ZCCHC24: variants seen among roughly 807,000 people sequenced by gnomAD.
The protein encoded by ZCCHC24 is zinc finger CCHC domain-containing protein 24.
A neutral mutation model predicts 26.2 loss-of-function variants in ZCCHC24; 10 were observed. The ratio of observed to expected loss-of-function variants is 0.38; its 90% CI spans 0.24 to 0.65. The LOEUF (loss-of-function observed/expected upper bound fraction) is 0.65. Ranked by LOEUF, ZCCHC24 falls within the 30% of genes least tolerant of loss-of-function variation. The pLI, the probability that ZCCHC24 is intolerant of heterozygous loss-of-function variation, is 0.54. For missense variants in ZCCHC24, 243 were observed against 329.1 expected (o/e 0.74, Z 2.03); for synonymous variants, 144 against 147.1 (o/e 0.98, Z 0.15).
chr10:79,386,013 C>T lies in ZCCHC24; in HGVS notation c.*332G>A, dbSNP rs1465211942. ...CTGTGGCCAATACAAGGCTGCTCACCCCAAAGAGGCTCTCAGAGGCGAGCC... is the reference window on the plus strand; with the variant it reads ...CTGTGGCCAATACAAGGCTGCTCACTCCAAAGAGGCTCTCAGAGGCGAGCC... On this transcript the variant is annotated 3_prime_UTR_variant, in exon 4 of 4. Transcript: ENST00000372336. 7.8e-6 allele frequency: 4 copies of T among 511,034 alleles called. No individual in the cohort carries two copies. The highest frequency in any genetic ancestry group is 1.4e-5 in the Non-Finnish European group (4 of 285,284). The allele number at this position is 511,034 out of a possible 1,614,324, so 31.7% of individuals were successfully genotyped here.
At chr10:79,408,649 T>A (rs1278501951) in intron 2 of ZCCHC24, among the ~76,000 whole-genome samples, 1 of 152,152 alleles carries the variant, frequency 6.6e-6, no homozygotes, top group African/African-American at 2.4e-5. Flanking sequence ...ATGAGAGATA[T>A]GAAGGAATGG....
rs539088681 is a variant in ZCCHC24, at chr10:79,407,719, G to A, written c.448-13279C>T. Among the ~76,000 whole-genome samples, 8 of 152,352 alleles carry A rather than the reference G, an allele frequency of 5.3e-5. No individual in the cohort carries two copies. The South Asian group carries it at 1.7e-3, about 32-fold the overall frequency. On this transcript the variant is annotated intron_variant, in intron 2 of 3. Coordinates refer to ENST00000372336, the MANE Select transcript of ZCCHC24 (RefSeq NM_153367.4). Reference sequence around the variant, plus strand: ...GGAAACTGAGGCACAGAGAAGGCAAGTGACTTGCTCAAGCCATACAGGAAG... The same window carrying A: ...GGAAACTGAGGCACAGAGAAGGCAAATGACTTGCTCAAGCCATACAGGAAG...
intron 2 of ZCCHC24, 75 bp from the exon 3 acceptor site, chr10:79,394,515 T>A: frequency 6.4e-7 from 1 of 1,556,850 alleles, no homozygotes; most frequent in Non-Finnish European, 8.7e-7. Flanking sequence ...TCCCCTGGCC[T>A]CCGCCTCAGT....
Position 79,387,671 on chromosome 10 carries a change from A to G in ZCCHC24, c.613-1213T>C, listed in dbSNP as rs545628264. On this transcript the variant is annotated intron_variant, in intron 3 of 3. Transcript: ENST00000372336. Reference sequence around the variant, plus strand: ...GACTGCAGACCATGGCCCGGATGACAGGGGAGGGCAGCAGAGGGTGTGCTC... The same window carrying G: ...GACTGCAGACCATGGCCCGGATGACGGGGGAGGGCAGCAGAGGGTGTGCTC... 7.2e-5 allele frequency among the ~76,000 whole-genome samples: 11 copies of G among 152,302 alleles called. No individual in the cohort carries two copies. The East Asian group carries it at 1.9e-3, about 27-fold the overall frequency.
chr10:79,429,198 G>A (rs1273546003), intron 2 of ZCCHC24, among the ~76,000 whole-genome samples: 1 of 152,206 alleles, frequency 6.6e-6, no homozygotes, highest in Non-Finnish European at 1.5e-5. Flanking sequence ...CATGTTACAT[G>A]ATTCTAGTTA....
intron 1 of ZCCHC24, chr10:79,444,184 C>A: frequency 5.9e-6 from 9 of 1,531,046 alleles, no homozygotes; most frequent in Non-Finnish European, 7.9e-6. Context: ...CAGAGAAAAC[C>A]CCCACAAGGG....
At chr10:79,412,183 G>A (rs539064979) in intron 2 of ZCCHC24, among the ~76,000 whole-genome samples, 5 of 152,338 alleles carry the variant, frequency 3.3e-5, no homozygotes, top group South Asian at 2.1e-4. Context: ...GGGAGCGAGC[G>A]GAACGCACCG....
chr10:79,430,301 C>G (rs1857107615), intron 2 of ZCCHC24, among the ~76,000 whole-genome samples: 1 of 152,032 alleles, frequency 6.6e-6, no homozygotes, highest in African/African-American at 2.4e-5. Context: ...TTCACGAGTC[C>G]AGGACAGAAT....
At chr10:79,396,251 T>C (rs755652162) in intron 2 of ZCCHC24, among the ~76,000 whole-genome samples, 3 of 152,256 alleles carry the variant, frequency 2.0e-5, no homozygotes, top group Non-Finnish European at 4.4e-5. Flanking sequence ...CCCCATTTAT[T>C]AGATGATAGA....
intron 1 of ZCCHC24, among the ~76,000 whole-genome samples, chr10:79,438,625 T>C (rs555150859): frequency 3.9e-5 from 6 of 152,310 alleles, no homozygotes; most frequent in African/African-American, 1.4e-4. Context: ...GGAGGCCCAT[T>C]CACCCAGCAA....
At chr10:79,417,155 C>T (rs543470753) in intron 2 of ZCCHC24, among the ~76,000 whole-genome samples, 2 of 79,176 alleles carry the variant, frequency 2.5e-5, no homozygotes, top group African/African-American at 3.5e-5. Flanking sequence ...GTTTTGGGAA[C>T]ACAGAGGGAG....
chr10:79,394,426 G>A lies in ZCCHC24; in HGVS notation c.462C>T (p.Gly154=), dbSNP rs938222753. 12 of 1,613,880 alleles carry A rather than the reference G, an allele frequency of 7.4e-6. No individual in the cohort carries two copies. Among genetic ancestry groups the A allele is most frequent in the Middle Eastern group, 1.6e-4 (1 of 6,082 alleles). The change falls in exon 3 of 4, where the codon GGC becomes GGT. Residue 154 remains glycine (G), a synonymous_variant. Transcript: ENST00000372336. The stretch of plus-strand genomic sequence containing the variant: ...TGCCCTGGTATGGAGTCAGGCCCTC[G>A]CCTTTGGGGCGTGCCTACAGGGCAG... ...IKDCPQARPK[G]EGLTPYQGKK...
At chr10:79,444,162 C>CT in intron 1 of ZCCHC24, 2 of 1,544,328 alleles carry the variant, frequency 1.3e-6, no homozygotes, top group South Asian at 2.4e-5. Context: ...GAACACACCT[C>CT]TTGCATCTTT....
At chr10:79,431,449 G>C (rs1194321479) in intron 2 of ZCCHC24, among the ~76,000 whole-genome samples, 1 of 152,176 alleles carries the variant, frequency 6.6e-6, no homozygotes, top group African/African-American at 2.4e-5. Context: ...AGTCTGGGAT[G>C]GGGGCACACA....
At chr10:79,442,185 G>C (rs1049525306) in intron 1 of ZCCHC24, among the ~76,000 whole-genome samples, 4 of 152,158 alleles carry the variant, frequency 2.6e-5, no homozygotes, top group East Asian at 1.9e-4. Context: ...TGGGTTTCAC[G>C]GGGCCTAGTT....
chr10:79,415,017 G>A (rs911140291), intron 2 of ZCCHC24, among the ~76,000 whole-genome samples: 11 of 152,138 alleles, frequency 7.2e-5, no homozygotes, highest in Non-Finnish European at 1.3e-4. Context: ...TTGGGTCCAG[G>A]TTTCCTGTCC....
At chr10:79,420,736 G>A (rs780396631) in intron 2 of ZCCHC24, among the ~76,000 whole-genome samples, 14 of 152,074 alleles carry the variant, frequency 9.2e-5, no homozygotes, top group African/African-American at 1.2e-4. Flanking sequence ...TCATGCCACT[G>A]CACTGCAGCC....
intron 2 of ZCCHC24, among the ~76,000 whole-genome samples, chr10:79,417,198 C>T (rs11002967): frequency 0.17 from 14,161 of 84,964 alleles, 3,341 homozygotes; most frequent in Middle Eastern, 0.22. Context: ...AGAGGGCCTG[C>T]GGGAGGGAGG....
intron 2 of ZCCHC24, among the ~76,000 whole-genome samples, chr10:79,423,581 C>CGA (rs1856976946): frequency 1.9e-5 from 1 of 53,746 alleles, no homozygotes; most frequent in Non-Finnish European, 3.4e-5. Flanking sequence ...AATATATATA[C>CGA]TATATATATA....
Sources: allele counts gnomAD v4.1 joint callset (sites outside exome capture counted in the v4.1 genomes callset), GRCh38; gene constraint gnomAD v4.1.1; transcripts MANE v1.5; gene names NCBI Gene and HGNC (gene_info 2026-07-23, HGNC 2026-07-21).